The following CAT variants were observed in gnomAD, a reference collection of about 807,000 sequenced individuals.
CAT encodes catalase, also known as epididymis secretory sperm binding protein.
A neutral mutation model predicts 59.0 loss-of-function variants in CAT; 43 were observed. That is an observed-to-expected ratio of 0.73 (90% confidence interval 0.57 to 0.94). CAT has a LOEUF of 0.94. Ranked by LOEUF, CAT falls within the 40% of genes least tolerant of loss-of-function variation. CAT has a pLI of 0.00. For missense variants in CAT, 664 were observed against 682.9 expected, an observed-to-expected ratio of 0.97 and a Z score of 0.31; for synonymous variants, 218 against 230.9, an observed-to-expected ratio of 0.94 and a Z score of 0.51.
intron 10 of CAT, among the ~76,000 whole-genome samples, chr11:34,466,135 A>G (rs1385495542): frequency 6.6e-6 from 1 of 152,224 alleles, no homozygotes; most frequent in Non-Finnish European, 1.5e-5. Flanking sequence ...CATGCCTAGG[A>G]ATAAGGGCAA....
intron 10 of CAT, among the ~76,000 whole-genome samples, chr11:34,467,283 C>T (rs6484722): frequency 0.23 from 34,275 of 152,048 alleles, 4,288 homozygotes; most frequent in East Asian, 0.48. Flanking sequence ...GATGTTTTCA[C>T]GCAATATGTC....
intron 10 of CAT, among the ~76,000 whole-genome samples, chr11:34,467,027 AC>A (rs1856727401): frequency 1.3e-5 from 2 of 152,146 alleles, no homozygotes; most frequent in African/African-American, 4.8e-5. Flanking sequence ...AAATTAGAAT[AC>A]ATACAAGGAA....
At chr11:34,460,250 AAG>A (rs771610523) in intron 8 of CAT, among the ~76,000 whole-genome samples, 10 of 152,160 alleles carry the variant, frequency 6.6e-5, no homozygotes, top group Non-Finnish European at 8.8e-5. Flanking sequence ...CATTAACTGA[AAG>A]AAATTTCAAG....
intron 2 of CAT, 110 bp from the exon 3 acceptor site, chr11:34,450,878 C>A: frequency 1.2e-6 from 1 of 801,880 alleles, no homozygotes; most frequent in Non-Finnish European, 2.3e-6. Flanking sequence ...TGGAAGCTCC[C>A]AGAAGGCTGG....
At position 34,470,997 on chromosome 11, in the gene CAT, C is replaced by T. The variant is rs750669835; in HGVS notation, c.1474C>T (p.His492Tyr). Residue 492 changes from histidine to tyrosine, a missense_variant, in exon 12 of 13, where the codon CAC becomes TAC. By Grantham distance (83) the His-to-Tyr change is moderately conservative. Transcript: ENST00000241052. ...FTEVHPDYGS[H>Y]IQALLDKYNA... is the part of the protein sequence containing the mutation. ...TGAGGTCCACCCTGACTACGGGAGCCACATCCAGGCTCTTCTGGACAAGTA... is the reference window on the plus strand; with the variant it reads ...TGAGGTCCACCCTGACTACGGGAGCTACATCCAGGCTCTTCTGGACAAGTA... The T allele has an allele frequency of 2.5e-6, 4 of 1,614,064 alleles. No individual in the cohort carries two copies. The highest frequency in any genetic ancestry group is 3.4e-6 in the Non-Finnish European group (4 of 1,180,030).
chr11:34,457,604 G>A (rs959308814), intron 8 of CAT, among the ~76,000 whole-genome samples: 4 of 152,162 alleles, frequency 2.6e-5, no homozygotes, highest in Non-Finnish European at 5.9e-5. Flanking sequence ...AGTGATAAAA[G>A]CAGTGGATTA....
chr11:34,447,778 C>G (rs1478645298), intron 1 of CAT, among the ~76,000 whole-genome samples: 1 of 152,226 alleles, frequency 6.6e-6, no homozygotes, highest in Non-Finnish European at 1.5e-5. Context: ...TTACATTTAA[C>G]TCTTTTAATT....
rs150540635 is a variant in CAT, at chr11:34,441,629, A to T, written c.66+2550A>T. Among the ~76,000 whole-genome samples, 243 of 152,202 alleles carry T rather than the reference A, an allele frequency of 1.6e-3. 1 individual carries two copies. The highest frequency in any genetic ancestry group is 0.014 in the Admixed American group (211 of 15,276). On this transcript the variant is annotated intron_variant, in intron 1 of 12. Coordinates refer to ENST00000241052, the MANE Select transcript of CAT (RefSeq NM_001752.4). ...AGCAACATGGTGAAAACCCATCTCTACAACAAATAAAAGAAGTAGCCAGAC... is the reference window on the plus strand; with the variant it reads ...AGCAACATGGTGAAAACCCATCTCTTCAACAAATAAAAGAAGTAGCCAGAC...
chr11:34,450,897 A>C, intron 2 of CAT, 91 bp from the exon 3 acceptor site: 1 of 865,378 alleles, frequency 1.2e-6, no homozygotes, highest in Non-Finnish European at 2.0e-6. Flanking sequence ...GGTGCTAACC[A>C]TCATTTTCTC....
intron 8 of CAT, chr11:34,460,998 A>G: frequency 1.9e-6 from 1 of 536,590 alleles, no homozygotes; most frequent in Non-Finnish European, 3.3e-6. Flanking sequence ...GAAAAAAAAA[A>G]GATATTATTA....
intron 1 of CAT, among the ~76,000 whole-genome samples, chr11:34,444,502 G>A (rs951420209): frequency 6.6e-6 from 1 of 152,126 alleles, no homozygotes; most frequent in African/African-American, 2.4e-5. Flanking sequence ...TTTCCTGTAC[G>A]TGGGTGTATA....
intron 1 of CAT, among the ~76,000 whole-genome samples, chr11:34,447,246 A>C (rs527591229): frequency 6.6e-6 from 1 of 152,166 alleles, no homozygotes; most frequent in East Asian, 1.9e-4. Context: ...CACCCAGGGC[A>C]CTTCTATCAG....
At position 34,472,051 on chromosome 11, in the gene CAT, C is replaced by T. The variant is rs1469144253; in HGVS notation, c.*618C>T. On this transcript the variant is annotated 3_prime_UTR_variant, in exon 13 of 13. Coordinates refer to ENST00000241052, the MANE Select transcript of CAT (RefSeq NM_001752.4). ...ACATTTTTACAATAAATAATCTGTA[C>T]GTAAGAACAGAGATGGTATTTTCTT... 4 of 154,258 alleles carry T rather than the reference C, an allele frequency of 2.6e-5. No individual in the cohort carries two copies. Among genetic ancestry groups the T allele is most frequent in the South Asian group, 2.0e-4 (1 of 5,074 alleles). The allele number at this position is 154,258 out of a possible 1,614,324, so 9.6% of individuals were successfully genotyped here.
At chr11:34,442,607 GA>G (rs950814758) in intron 1 of CAT, among the ~76,000 whole-genome samples, 5 of 150,788 alleles carry the variant, frequency 3.3e-5, no homozygotes, top group East Asian at 1.9e-4. Flanking sequence ...ATCTCAAAAA[GA>G]AAAAAAAAGA....
intron 10 of CAT, among the ~76,000 whole-genome samples, chr11:34,464,675 C>T (rs546568076): frequency 1.2e-4 from 19 of 152,014 alleles, no homozygotes; most frequent in Non-Finnish European, 2.1e-4. Flanking sequence ...TCGTCCTTCA[C>T]GTGGCTTATT....
At chr11:34,457,910 T>TA (rs904214098) in intron 8 of CAT, among the ~76,000 whole-genome samples, 1 of 152,270 alleles carries the variant, frequency 6.6e-6, no homozygotes, top group African/African-American at 2.4e-5. Flanking sequence ...ATTCCGTTTT[T>TA]AAAAAATAAC....
At chr11:34,444,501 C>T (rs555032000) in intron 1 of CAT, among the ~76,000 whole-genome samples, 8 of 152,074 alleles carry the variant, frequency 5.3e-5, no homozygotes, top group Non-Finnish European at 1.0e-4. Flanking sequence ...GTTTCCTGTA[C>T]GTGGGTGTAT....
chr11:34,449,208 CCA>C lies in CAT; in HGVS notation c.85_86del (p.Thr29TrpfsTer4). ...TTCCTGTAGAAAGCTGATGTCCTGA[CCA>C]CTGGAGCTGGTAACCCAGTAGGAGA... On this transcript the variant is annotated frameshift_variant, in exon 2 of 13. Coordinates refer to ENST00000241052, the MANE Select transcript of CAT (RefSeq NM_001752.4). LOFTEE classifies it high-confidence loss of function. The C allele has an allele frequency of 6.2e-7, 1 of 1,614,128 alleles. No individual in the cohort carries two copies. Among genetic ancestry groups the C allele is most frequent in the South Asian group, 1.1e-5 (1 of 91,086 alleles).
In CAT at chr11:34,453,887, T is replaced by C. The variant is rs1216034689; in HGVS notation, c.672T>C (p.Asn224=). 5.0e-6 allele frequency: 8 copies of C among 1,613,954 alleles called. No homozygotes were observed. Among genetic ancestry groups the C allele is most frequent in the Non-Finnish European group, 6.8e-6 (8 of 1,179,920 alleles). ...GYGSHTFKLV[N]ANGEAVYCKF... ...GATCACATACTTTCAAGCTGGTTAA[T>C]GCAAATGGGGAGGCAGTTTATTGCA... Residue 224 remains asparagine, a synonymous_variant, in exon 6 of 13, where the codon AAT becomes AAC. Transcript: ENST00000241052.
Sources: gnomAD v4.1 joint callset for allele counts (sites outside exome capture counted in the v4.1 genomes callset) on GRCh38, gnomAD v4.1.1 for gene constraint, MANE v1.5 for transcripts, NCBI Gene and HGNC (gene_info 2026-07-23, HGNC 2026-07-21) for gene names.